Variants in ABCB11 observed in about 807,000 individuals in gnomAD.
The protein encoded by ABCB11 is ATP binding cassette subfamily B member 11, also known as bile salt export pump.
ABCB11 carries 95 observed loss-of-function variants against 148.0 expected under a neutral mutation model. That is an observed-to-expected ratio of 0.64 (90% CI 0.54 to 0.76). The LOEUF (loss-of-function observed/expected upper bound fraction) is 0.76, where lower values mean the gene tolerates loss of function less well. Ranked by LOEUF, ABCB11 falls within the 30% of genes least tolerant of loss-of-function variation. The probability of loss-of-function intolerance (pLI) is 0.00; values close to 1 mark genes in which losing one functional copy is unlikely to be tolerated. For missense variants in ABCB11, 1,523 were observed against 1,617.8 expected (o/e 0.94, Z 1.01); for synonymous variants, 591 against 555.4 (o/e 1.06, Z -0.90).
intron 5 of ABCB11, among the ~76,000 whole-genome samples, chr2:168,997,961 C>T (rs541929136): frequency 1.3e-5 from 2 of 152,096 alleles, no homozygotes; most frequent in South Asian, 4.1e-4. Flanking sequence ...GAAATAACTG[C>T]TGTGGTCAAC....
chr2:168,946,935 G>A (rs1692349425), intron 19 of ABCB11, among the ~76,000 whole-genome samples: 1 of 151,692 alleles, frequency 6.6e-6, no homozygotes, highest in African/African-American at 2.4e-5. Flanking sequence ...CCAATTCAAG[G>A]TTGGGCATCT....
rs184136098 is a variant in ABCB11, at chr2:168,949,964, G to A, written c.2344-5003C>T. ...CTTTCTCTCCTGCTGTATTCTTCCT[G>A]CCCTCAAACATCAAACTCAAAGTTC... On this transcript the variant is annotated intron_variant, in intron 19 of 27. Transcript: ENST00000650372. Among the ~76,000 whole-genome samples the A allele has an allele frequency of 5.6e-3, 851 of 151,440 alleles. 26 individuals are homozygous for A. Among genetic ancestry groups the A allele is most frequent in the Non-Finnish European group, 9.6e-4 (65 of 67,628 alleles).
At chr2:168,945,332 TAA>T (rs1692255805) in intron 19 of ABCB11, among the ~76,000 whole-genome samples, 2 of 151,898 alleles carry the variant, frequency 1.3e-5, no homozygotes, top group South Asian at 4.1e-4. Flanking sequence ...TGCTAGTAAT[TAA>T]ACGAAAGTTA....
intron 19 of ABCB11, among the ~76,000 whole-genome samples, chr2:168,953,489 T>C (rs1692658269): frequency 6.6e-6 from 1 of 151,548 alleles, no homozygotes; most frequent in Non-Finnish European, 1.5e-5. Context: ...TAAAGTGTTT[T>C]ATCTGATATA....
At chr2:168,992,948 T>C (rs1694583518) in intron 8 of ABCB11, among the ~76,000 whole-genome samples, 1 of 152,064 alleles carries the variant, frequency 6.6e-6, no homozygotes, top group Non-Finnish European at 1.5e-5. Context: ...TTAGTATGCC[T>C]GATTCCATAA....
At chr2:168,994,994 C>T (rs1432087076) in intron 7 of ABCB11, among the ~76,000 whole-genome samples, 1 of 152,012 alleles carries the variant, frequency 6.6e-6, no homozygotes, top group African/African-American at 2.4e-5. Flanking sequence ...ATTCTAATTC[C>T]TCTCATTTAG....
At chr2:168,994,465 AC>A (rs1694650432) in intron 7 of ABCB11, among the ~76,000 whole-genome samples, 1 of 152,080 alleles carries the variant, frequency 6.6e-6, no homozygotes, top group Non-Finnish European at 1.5e-5. Context: ...AAGTTACTTA[AC>A]CTTTTTGTGG....
intron 5 of ABCB11, among the ~76,000 whole-genome samples, chr2:169,001,380 C>T (rs1694864923): frequency 6.6e-6 from 1 of 152,146 alleles, no homozygotes; most frequent in South Asian, 2.1e-4. Context: ...GCAACAAATT[C>T]TCTTGATTTA....
chr2:168,981,066 T>A (rs1052990268), intron 10 of ABCB11, among the ~76,000 whole-genome samples: 1 of 152,152 alleles, frequency 6.6e-6, no homozygotes, highest in African/African-American at 2.4e-5. Context: ...GATCAAATGA[T>A]CCTGGTCTGT....
At chr2:169,011,269 C>A (rs1479287211) in intron 5 of ABCB11, among the ~76,000 whole-genome samples, 1 of 152,146 alleles carries the variant, frequency 6.6e-6, no homozygotes, top group Admixed American at 6.6e-5. Context: ...TGGCTTGGGT[C>A]AATTTACATC....
At chr2:168,946,285 A>C (rs886779597) in intron 19 of ABCB11, among the ~76,000 whole-genome samples, 3 of 151,926 alleles carry the variant, frequency 2.0e-5, no homozygotes, top group Non-Finnish European at 4.4e-5. Flanking sequence ...CCATTTATTC[A>C]AAAATATTTA....
chr2:168,918,340 A>C (rs1690983425), downstream of ABCB11, among the ~76,000 whole-genome samples: 2 of 152,208 alleles, frequency 1.3e-5, no homozygotes, highest in African/African-American at 2.4e-5. Flanking sequence ...TAGTATATGC[A>C]GGGAGTTCTG....
intron 1 of ABCB11, among the ~76,000 whole-genome samples, chr2:169,023,805 G>C (rs1241175728): frequency 6.6e-6 from 1 of 152,232 alleles, no homozygotes; most frequent in Non-Finnish European, 1.5e-5. Flanking sequence ...CTGAGGAAAA[G>C]AAGTGGAATG....
At chr2:168,950,152 C>T (rs988184998) in intron 19 of ABCB11, among the ~76,000 whole-genome samples, 1 of 150,622 alleles carries the variant, frequency 6.6e-6, no homozygotes, top group Admixed American at 6.6e-5. Context: ...CACACACACA[C>T]ACACACACAC....
In ABCB11 at chr2:168,927,267, G is replaced by A. The variant is rs1167474521; in HGVS notation, c.3507C>T (p.Ser1169=). 1 of 1,613,796 alleles carries A rather than the reference G, an allele frequency of 6.2e-7. No homozygotes were observed. The highest frequency in any genetic ancestry group is 1.1e-5 in the South Asian group (1 of 91,056). The change falls in exon 26 of 28, where the codon AGC becomes AGT. Residue 1169 remains serine, a synonymous_variant. Coordinates refer to ENST00000650372, the MANE Select transcript of ABCB11 (RefSeq NM_003742.4). ...VSQEPVLFAC[S]IMDNIKYGDN... ...CTCCATACTTGATATTGTCCATTAT[G>A]CTACAGGCAAACAACACTGGTTCCT...
chr2:169,003,559 G>C (rs999613605), intron 5 of ABCB11, among the ~76,000 whole-genome samples: 1 of 151,870 alleles, frequency 6.6e-6, no homozygotes. Context: ...ACATATACAA[G>C]TATCTTTTTT....
chr2:168,972,323 G>C (rs944683539), intron 13 of ABCB11, among the ~76,000 whole-genome samples: 5 of 100,182 alleles, frequency 5.0e-5, no homozygotes, highest in African/African-American at 1.8e-4. Context: ...ACAAATTTTT[G>C]ATTCCAGTAA....
chr2:169,027,235 G>A (rs1695728433), intron 1 of ABCB11, among the ~76,000 whole-genome samples: 1 of 152,108 alleles, frequency 6.6e-6, no homozygotes, highest in South Asian at 2.1e-4. Flanking sequence ...ATAAACTTAA[G>A]GGAATCTAAG....
rs1209206685 is a variant in ABCB11, at chr2:168,972,430, A to T, written c.1435-380T>A. ...AAAGATATAATAAAAATAAACAATGATCCCTATCTTGTATATATGATTTAT... is the reference window on the plus strand; with the variant it reads ...AAAGATATAATAAAAATAAACAATGTTCCCTATCTTGTATATATGATTTAT... On this transcript the variant is annotated intron_variant, in intron 13 of 27. Coordinates refer to ENST00000650372, the MANE Select transcript of ABCB11 (RefSeq NM_003742.4). Among the ~76,000 whole-genome samples the T allele has an allele frequency of 7.3e-5, 10 of 136,852 alleles. No individual in the cohort carries two copies. The South Asian group carries it at 1.7e-3, about 23-fold the overall frequency. The allele number at this position is 136,852 out of a possible 152,430, so 89.8% of individuals were successfully genotyped here. A position where few individuals can be genotyped will look rare whatever the true frequency, so the allele number is the denominator to read the frequency against.
Sources: gnomAD v4.1 joint callset for allele counts (sites outside exome capture counted in the v4.1 genomes callset) on GRCh38, gnomAD v4.1.1 for gene constraint, MANE v1.5 for transcripts, NCBI Gene and HGNC (gene_info 2026-07-23, HGNC 2026-07-21) for gene names.